ZFHX3: variants seen among roughly 807,000 people sequenced by gnomAD.
ZFHX3 encodes the protein zinc finger homeobox 3.
Under a neutral mutation model 279.1 loss-of-function variants are expected in ZFHX3, and 42 were observed. The observed-to-expected ratio is 0.15, with a 90% CI of 0.12 to 0.19. The LOEUF (loss-of-function observed/expected upper bound fraction) is 0.19, where lower values mean the gene tolerates loss of function less well. Ranked by LOEUF, ZFHX3 falls within the 10% of genes least tolerant of loss-of-function variation. The pLI is 1.00. For synonymous variants in ZFHX3, 2,293 were observed against 1,957.8 expected (o/e 1.17, Z -4.52); for missense variants, 4,981 against 4,754.0 (o/e 1.05, Z -1.40).
intron 1 of ZFHX3, among the ~76,000 whole-genome samples, chr16:73,744,045 C>T (rs1478241154): frequency 6.6e-6 from 1 of 152,186 alleles, no homozygotes; most frequent in Non-Finnish European, 1.5e-5. Flanking sequence ...CGCCACAGAT[C>T]CAACAAATCA....
intron 5 of ZFHX3, among the ~76,000 whole-genome samples, chr16:73,224,594 G>A (rs2012533348): frequency 6.6e-6 from 1 of 152,170 alleles, no homozygotes; most frequent in Admixed American, 6.5e-5. Flanking sequence ...TTGCAGAAAC[G>A]TGGCCAAAAG....
chr16:72,879,022 C>T (rs1481081884), intron 4 of ZFHX3, among the ~76,000 whole-genome samples: 2 of 152,222 alleles, frequency 1.3e-5, no homozygotes, highest in East Asian at 1.9e-4. Context: ...AGGCTGCCCT[C>T]GAGGCTCACA....
Position 72,788,708 on chromosome 16 carries a change from T to A in ZFHX3, c.9568A>T (p.Met3190Leu), listed in dbSNP as rs1198661566. ...TGCTGGGGGGGTTGCTGAGGGCCCA[T>A]CGCCATCGTGGCTTGTGCTGGGGTT... ...SPTPAQATMA[M>L]GPQQPPQQQQ... Residue 3190 changes from methionine to leucine, a missense_variant, in exon 10 of 10, where the codon ATG becomes TTG. Physicochemically the swap from Met to Leu is conservative, Grantham distance 15 (BLOSUM62 2). Transcript: ENST00000268489. 9 of 1,611,130 alleles carry A rather than the reference T, an allele frequency of 5.6e-6. No homozygotes were observed. In the African/African-American group the frequency reaches 1.1e-4, roughly 19 times the overall value.
intron 1 of ZFHX3, among the ~76,000 whole-genome samples, chr16:73,013,694 G>A (rs921245727): frequency 5.3e-5 from 8 of 152,092 alleles, no homozygotes; most frequent in African/African-American, 1.4e-4. Flanking sequence ...TGGGGGAGGG[G>A]AGAGGCCACC....
chr16:73,059,777 C>T (rs1219162957), upstream of ZFHX3: 1 of 152,078 alleles, frequency 6.6e-6, no homozygotes, highest in Non-Finnish European at 1.5e-5. Context: ...ATGGAGAAAA[C>T]TTTAACACAT....
intron 1 of ZFHX3, among the ~76,000 whole-genome samples, chr16:73,811,878 G>C (rs541549932): frequency 4.5e-4 from 69 of 152,136 alleles, no homozygotes; most frequent in Non-Finnish European, 9.0e-4. Flanking sequence ...GCCTCACTTG[G>C]CTCTGACCAT....
chr16:73,391,464 T>A (rs2017012105), intron 3 of ZFHX3, among the ~76,000 whole-genome samples: 1 of 136,214 alleles, frequency 7.3e-6, no homozygotes, highest in Non-Finnish European at 1.6e-5. Flanking sequence ...AAAAAAAAAA[T>A]AAGTCTAGGC....
chr16:72,947,749 G>C (rs942978519), intron 3 of ZFHX3, among the ~76,000 whole-genome samples: 1 of 152,172 alleles, frequency 6.6e-6, no homozygotes. Flanking sequence ...TTGTGTGTGA[G>C]AAGCCCGGTC....
At chr16:73,352,378 T>C (rs1412642981) in intron 3 of ZFHX3, among the ~76,000 whole-genome samples, 1 of 152,098 alleles carries the variant, frequency 6.6e-6, no homozygotes, top group African/African-American at 2.4e-5. Context: ...TTCTTCATCT[T>C]TGAAATGAGG....
At chr16:73,048,576 A>T (rs1965386482), upstream of ZFHX3, among the ~76,000 whole-genome samples, 2 of 152,186 alleles carry the variant, frequency 1.3e-5, no homozygotes. Flanking sequence ...CCGGCCTAGA[A>T]TCGGGCGAGA....
At chr16:73,429,893 T>C (rs1406393726) in intron 3 of ZFHX3, among the ~76,000 whole-genome samples, 1 of 151,604 alleles carries the variant, frequency 6.6e-6, no homozygotes, top group Non-Finnish European at 1.5e-5. Flanking sequence ...CTTCCACTCT[T>C]TTCTGTTGGT....
intron 8 of ZFHX3, among the ~76,000 whole-genome samples, chr16:73,087,728 C>G (rs1051184595): frequency 6.6e-6 from 1 of 152,044 alleles, no homozygotes; most frequent in African/African-American, 2.4e-5. Context: ...TCCCCAAAGT[C>G]TAATACATTT....
intron 1 of ZFHX3, among the ~76,000 whole-genome samples, chr16:73,752,846 G>C (rs1409469694): frequency 6.6e-6 from 1 of 152,176 alleles, no homozygotes; most frequent in East Asian, 1.9e-4. Context: ...CTTTCAGAAG[G>C]TATGTCTCCT....
intron 1 of ZFHX3, among the ~76,000 whole-genome samples, chr16:73,766,072 T>A (rs1013340717): frequency 2.0e-5 from 3 of 152,210 alleles, no homozygotes; most frequent in African/African-American, 7.2e-5. Context: ...ATGCATCATA[T>A]GGCATTGAAG....
chr16:73,470,846 A>G (rs1040363958), intron 2 of ZFHX3, among the ~76,000 whole-genome samples: 2 of 152,126 alleles, frequency 1.3e-5, no homozygotes, highest in Admixed American at 6.5e-5. Flanking sequence ...TTCCTGGGGG[A>G]TCCAGTCAAT....
At chr16:73,689,835 G>T (rs13333807) in intron 1 of ZFHX3, among the ~76,000 whole-genome samples, 47,317 of 148,744 alleles carry the variant, frequency 0.32, 7,684 homozygotes, top group African/African-American at 0.35. Context: ...TGTTGTTGTT[G>T]TTTTTTTGAG....
chr16:73,642,559 T>C (rs2052583386), intron 2 of ZFHX3, among the ~76,000 whole-genome samples: 1 of 152,190 alleles, frequency 6.6e-6, no homozygotes. Context: ...TTGAAATATT[T>C]ACATATACCA....
At chr16:73,209,645 A>T (rs978838733) in intron 5 of ZFHX3, among the ~76,000 whole-genome samples, 36 of 152,180 alleles carry the variant, frequency 2.4e-4, no homozygotes, top group Admixed American at 1.4e-3. Context: ...GGGGACAAAC[A>T]TTCAAACTAT....
rs139886542 is a variant in ZFHX3 at position 73,153,564 on chromosome 16, C to A, written c.-1103-9733G>T. Among the ~76,000 whole-genome samples, 302 of 152,306 alleles carry A rather than the reference C, an allele frequency of 2.0e-3. 2 individuals carry two copies. Among genetic ancestry groups the A allele is most frequent in the African/African-American group, 6.9e-3 (286 of 41,568 alleles). The stretch of plus-strand genomic sequence containing the variant: ...GGCTGCAGGTGAGGAAGACTTGGGT[C>A]CTTTCCCTCTGGTCACCATTACGGG... On this transcript the variant is annotated intron_variant, in intron 5 of 17. Coordinates refer to the ZFHX3 transcript ENST00000641206.
Sources: allele counts gnomAD v4.1 joint callset (sites outside exome capture counted in the v4.1 genomes callset), GRCh38; gene constraint gnomAD v4.1.1; transcripts MANE v1.5; gene names NCBI Gene and HGNC (gene_info 2026-07-23, HGNC 2026-07-21).